AGBL4: variants seen among roughly 807,000 people sequenced by gnomAD.
The protein encoded by AGBL4 is cytosolic carboxypeptidase 6.
In AGBL4, 58 loss-of-function variants were observed where a neutral mutation model predicts 66.4. That is an observed-to-expected ratio of 0.87 (90% CI 0.71 to 1.09). The LOEUF is 1.09. AGBL4 is among the 50% of genes least tolerant of loss of function. The probability of loss-of-function intolerance (pLI) is 0.00; values close to 1 mark genes in which losing one functional copy is unlikely to be tolerated. For missense variants in AGBL4, 579 were observed against 631.0 expected (o/e 0.92, Z 0.88); for synonymous variants, 234 against 222.9 (o/e 1.05, Z -0.44).
chr1:49,788,988 T>A (rs1644526598), intron 2 of AGBL4, among the ~76,000 whole-genome samples: 1 of 152,216 alleles, frequency 6.6e-6, no homozygotes, highest in Non-Finnish European at 1.5e-5. Flanking sequence ...CTGTCATAAA[T>A]AGCCCTTATT....
At chr1:48,820,057 C>T (rs1646277038) in intron 6 of AGBL4, among the ~76,000 whole-genome samples, 1 of 152,164 alleles carries the variant, frequency 6.6e-6, no homozygotes, top group Non-Finnish European at 1.5e-5. Flanking sequence ...AACTTCCATT[C>T]TAAGTAAGCA....
intron 9 of AGBL4, 81 bp from the exon 10 acceptor site, chr1:48,591,066 C>A (rs1163329275): frequency 1.1e-5 from 13 of 1,146,102 alleles, no homozygotes; most frequent in Middle Eastern, 2.5e-4. Context: ...ACTACACACA[C>A]ACACCCCCCA....
intron 1 of AGBL4, among the ~76,000 whole-genome samples, chr1:49,898,586 A>G (rs1303022693): frequency 6.6e-6 from 1 of 152,158 alleles, no homozygotes; most frequent in African/African-American, 2.4e-5. Context: ...TAGAGCTACC[A>G]TATTTTATAC....
At chr1:49,158,879 T>C (rs1487931927) in intron 4 of AGBL4, among the ~76,000 whole-genome samples, 1 of 151,060 alleles carries the variant, frequency 6.6e-6, no homozygotes, top group Admixed American at 6.6e-5. Context: ...CAGACTAGGA[T>C]TGCAACTCCT....
At chr1:49,183,779 TA>T (rs747794501) in intron 4 of AGBL4, among the ~76,000 whole-genome samples, 2 of 152,216 alleles carry the variant, frequency 1.3e-5, no homozygotes, top group Non-Finnish European at 2.9e-5. Flanking sequence ...ATTATTTGTT[TA>T]GATAGCTCTT....
chr1:49,754,204 G>A (rs1457363188), intron 2 of AGBL4, among the ~76,000 whole-genome samples: 1 of 151,480 alleles, frequency 6.6e-6, no homozygotes, highest in African/African-American at 2.4e-5. Context: ...TCATCTTCAT[G>A]ATTTATCTAC....
At chr1:48,541,784 A>T (rs992999480) in intron 11 of AGBL4, among the ~76,000 whole-genome samples, 1 of 152,370 alleles carries the variant, frequency 6.6e-6, no homozygotes. Context: ...AAAAAATAAA[A>T]AAATAAAATA....
In AGBL4 at chr1:49,182,003, T is replaced by C. The variant is rs986235812; in HGVS notation, c.377+63767A>G. ...TCAGCAGGACGTAGGCAGTGGTATCTGGTGGATCTTAGCCGCTGAGGCATA... is the reference window on the plus strand; with the variant it reads ...TCAGCAGGACGTAGGCAGTGGTATCCGGTGGATCTTAGCCGCTGAGGCATA... On this transcript the variant is annotated intron_variant, in intron 4 of 13. Coordinates refer to ENST00000371839, the MANE Select transcript of AGBL4 (RefSeq NM_032785.4). Among the ~76,000 whole-genome samples, 5 of 152,176 alleles carry C rather than the reference T, an allele frequency of 3.3e-5. No homozygotes were observed. In the East Asian group the frequency reaches 9.6e-4, roughly 29 times the overall value.
At chr1:48,781,391 T>C (rs1645289400) in intron 6 of AGBL4, among the ~76,000 whole-genome samples, 1 of 152,342 alleles carries the variant, frequency 6.6e-6, no homozygotes, top group South Asian at 2.1e-4. Context: ...GAAAACCTAC[T>C]ATGTGCCATA....
At chr1:49,418,533 C>T (rs1221855545) in intron 3 of AGBL4, among the ~76,000 whole-genome samples, 1 of 152,062 alleles carries the variant, frequency 6.6e-6, no homozygotes, top group African/African-American at 2.4e-5. Context: ...GAACATGTAA[C>T]AACAACAACA....
intron 1 of AGBL4, among the ~76,000 whole-genome samples, chr1:49,894,428 C>T (rs899897050): frequency 6.6e-6 from 1 of 152,026 alleles, no homozygotes; most frequent in Admixed American, 6.6e-5. Flanking sequence ...ACCTTTCAGA[C>T]AGAAAATTAA....
intron 1 of AGBL4, among the ~76,000 whole-genome samples, chr1:49,933,117 A>G (rs1319741780): frequency 6.6e-6 from 1 of 152,178 alleles, no homozygotes; most frequent in Non-Finnish European, 1.5e-5. Flanking sequence ...ACACTGAGAT[A>G]AACCTGCAAT....
intron 6 of AGBL4, among the ~76,000 whole-genome samples, chr1:48,717,813 C>A (rs1369737728): frequency 6.6e-6 from 1 of 152,186 alleles, no homozygotes; most frequent in East Asian, 1.9e-4. Context: ...TGAATCTTGA[C>A]CCTCTCCCTT....
chr1:49,882,463 G>A (rs1270286886), intron 1 of AGBL4, among the ~76,000 whole-genome samples: 10 of 151,050 alleles, frequency 6.6e-5, no homozygotes, highest in African/African-American at 1.9e-4. Flanking sequence ...CATTGAATCT[G>A]TAAATTACCT....
intron 4 of AGBL4, among the ~76,000 whole-genome samples, chr1:49,217,361 C>A (rs1199747239): frequency 6.6e-6 from 1 of 152,082 alleles, no homozygotes; most frequent in Non-Finnish European, 1.5e-5. Flanking sequence ...CATTTCAATG[C>A]CTTTGCTGAA....
At chr1:48,987,628 G>A (rs1235207396) in intron 5 of AGBL4, among the ~76,000 whole-genome samples, 4 of 151,934 alleles carry the variant, frequency 2.6e-5, no homozygotes, top group Admixed American at 1.3e-4. Context: ...GGATATAGAC[G>A]ATTTGAACAA....
At chr1:49,755,176 C>T (rs1651798199) in intron 2 of AGBL4, among the ~76,000 whole-genome samples, 1 of 152,166 alleles carries the variant, frequency 6.6e-6, no homozygotes, top group African/African-American at 2.4e-5. Context: ...GTGTTATCTC[C>T]TCTAATGGTC....
At chr1:49,259,437 G>T (rs1201959214) in intron 3 of AGBL4, among the ~76,000 whole-genome samples, 1 of 151,922 alleles carries the variant, frequency 6.6e-6, no homozygotes, top group Non-Finnish European at 1.5e-5. Context: ...ACACACATAG[G>T]CTCAAAATAA....
intron 3 of AGBL4, among the ~76,000 whole-genome samples, chr1:49,642,594 A>G (rs1351119357): frequency 6.6e-6 from 1 of 152,018 alleles, no homozygotes; most frequent in Non-Finnish European, 1.5e-5. Context: ...TACCCTCAGA[A>G]AGAAGCACCA....
Sources: allele counts gnomAD v4.1 joint callset (sites outside exome capture counted in the v4.1 genomes callset), GRCh38; gene constraint gnomAD v4.1.1; transcripts MANE v1.5; gene names NCBI Gene and HGNC (gene_info 2026-07-23, HGNC 2026-07-21).